CHD6: variants seen among roughly 807,000 people sequenced by gnomAD.
CHD6 encodes the protein ATP-dependent chromatin remodeler CHD6.
A neutral mutation model predicts 276.9 loss-of-function variants in CHD6; 50 were observed. The observed-to-expected ratio is 0.18, with a 90% CI of 0.14 to 0.23. CHD6 has a LOEUF of 0.23. Ranked by LOEUF, CHD6 falls within the 10% of genes least tolerant of loss-of-function variation. CHD6 has a pLI of 1.00. For synonymous variants in CHD6, 1,173 were observed against 1,229.3 expected (o/e 0.95, Z 0.96); for missense variants, 2,564 against 3,365.8 (o/e 0.76, Z 5.89).
At chr20:41,582,140 A>C (rs1459642736) in intron 1 of CHD6, among the ~76,000 whole-genome samples, 1 of 149,570 alleles carries the variant, frequency 6.7e-6, no homozygotes, top group Non-Finnish European at 1.5e-5. Context: ...TCAATTACTT[A>C]AAAAAAAAAC....
At chr20:41,607,766 GAAAA>G (rs11086808) in intron 1 of CHD6, among the ~76,000 whole-genome samples, 1 of 118,298 alleles carries the variant, frequency 8.5e-6, no homozygotes. Context: ...CATTCCACAG[GAAAA>G]AAAAAAAAAA....
intron 1 of CHD6, among the ~76,000 whole-genome samples, chr20:41,601,460 A>G (rs1437917650): frequency 6.6e-6 from 1 of 152,206 alleles, no homozygotes; most frequent in African/African-American, 2.4e-5. Context: ...TCTCTAGGAC[A>G]GTGTTATTTT....
At chr20:41,583,015 T>A (rs1173423800) in intron 1 of CHD6, among the ~76,000 whole-genome samples, 1 of 152,106 alleles carries the variant, frequency 6.6e-6, no homozygotes, top group South Asian at 2.1e-4. Flanking sequence ...TGGCATCATA[T>A]ACATGTAACT....
At chr20:41,508,395 C>T (rs1228506145) in intron 5 of CHD6, among the ~76,000 whole-genome samples, 2 of 152,136 alleles carry the variant, frequency 1.3e-5, no homozygotes, top group South Asian at 2.1e-4. Context: ...TCTTGGATTT[C>T]GTGAGCAGGA....
rs1432683920 is a variant in CHD6, at chr20:41,533,474, G to C, written c.130C>G (p.Gln44Glu). The C allele has an allele frequency of 3.7e-6, 6 of 1,613,958 alleles. No homozygotes were observed. The African/African-American group carries it at 8.0e-5, about 22-fold the overall frequency. ...SPSPFDCSTD[Q>E]EEKIEDVASH... ...GCAACATCTTCAATTTTCTCTTCTT[G>C]ATCAGTGCTGCAGTCAAATGGGGAT... is the stretch of plus-strand genomic sequence containing the variant. The change falls in exon 3 of 37, where the codon CAA becomes GAA. Residue 44 changes from glutamine to glutamate, a missense_variant. By Grantham distance (29) the Gln-to-Glu change is conservative. Transcript: ENST00000373233.
At chr20:41,499,458 G>T in intron 5 of CHD6, 101 bp from the exon 6 acceptor site, 2 of 949,674 alleles carry the variant, frequency 2.1e-6, no homozygotes, top group Non-Finnish European at 3.1e-6. Context: ...TCATTCAAAA[G>T]TTCACCTTTG....
chr20:41,612,730 A>G (rs537104198), intron 1 of CHD6, among the ~76,000 whole-genome samples: 39 of 152,356 alleles, frequency 2.6e-4, no homozygotes, highest in Admixed American at 2.3e-3. Context: ...CCCAAAGTAG[A>G]TAGAGTCCAG....
intron 26 of CHD6, among the ~76,000 whole-genome samples, 166 bp downstream of exon 26, chr20:41,439,834 T>C (rs1265409643): frequency 6.6e-6 from 1 of 152,054 alleles, no homozygotes; most frequent in Non-Finnish European, 1.5e-5. Flanking sequence ...TGAGGTAGAG[T>C]AGGGTGTAAC....
At chr20:41,447,184 A>G (rs777095432) in intron 24 of CHD6, among the ~76,000 whole-genome samples, 2 of 152,174 alleles carry the variant, frequency 1.3e-5, no homozygotes, top group Non-Finnish European at 2.9e-5. Flanking sequence ...GCATTGCTCA[A>G]TGGAAAGCAA....
intron 1 of CHD6, among the ~76,000 whole-genome samples, chr20:41,607,776 A>AC (rs546861927): frequency 1.3e-5 from 2 of 151,886 alleles, no homozygotes; most frequent in African/African-American, 4.8e-5. Context: ...GAAAAAAAAA[A>AC]AAAAAACACC....
In CHD6 at chr20:41,417,185, A is replaced by C. The variant is rs2047026087; in HGVS notation, c.6279+13T>G. 6.2e-7 allele frequency: 1 copy of C among 1,602,624 alleles called. No homozygotes were observed. The highest frequency in any genetic ancestry group is 1.3e-5 in the African/African-American group (1 of 74,502). On this transcript the variant is annotated intron_variant, in intron 32 of 36. Coordinates refer to ENST00000373233, the MANE Select transcript of CHD6 (RefSeq NM_032221.5). ...GTTTGGGGGTAGGGTGGGAAACGCA[A>C]GCTCTGGGGTACCTTTGGCCACTCA... is the stretch of plus-strand genomic sequence containing the variant.
Position 41,514,794 on chromosome 20 carries a change from C to G in CHD6, c.702+11G>C. ...CGTAATCTCCACCAGGCCTCCCGGTCACAGCTGTACCTGGCTGTCTGTAGA... is the reference window on the plus strand; with the variant it reads ...CGTAATCTCCACCAGGCCTCCCGGTGACAGCTGTACCTGGCTGTCTGTAGA... On this transcript the variant is annotated intron_variant, in intron 4 of 36. Coordinates refer to ENST00000373233, the MANE Select transcript of CHD6 (RefSeq NM_032221.5). 1 of 1,612,698 alleles carries G rather than the reference C, an allele frequency of 6.2e-7. No individual in the cohort carries two copies. The highest frequency in any genetic ancestry group is 8.5e-7 in the Non-Finnish European group (1 of 1,179,464).
At chr20:41,587,406 T>A (rs1271719793) in intron 1 of CHD6, among the ~76,000 whole-genome samples, 4 of 152,246 alleles carry the variant, frequency 2.6e-5, no homozygotes, top group Non-Finnish European at 4.4e-5. Flanking sequence ...GATAAGAGAA[T>A]AAGTCAGCTT....
At chr20:41,417,433 T>C (rs1600807552) in intron 31 of CHD6, 84 bp from the exon 32 acceptor site, 1 of 1,238,772 alleles carries the variant, frequency 8.1e-7, no homozygotes, top group East Asian at 2.4e-5. Flanking sequence ...TATCCTCTTT[T>C]CCTTTTGCTT....
chr20:41,574,850 C>A lies in CHD6; in HGVS notation c.-23-23490G>T, dbSNP rs146098018. On this transcript the variant is annotated intron_variant, in intron 1 of 36. Coordinates refer to ENST00000373233, the MANE Select transcript of CHD6 (RefSeq NM_032221.5). ...AGGCAGGGAACCTAAGGCCGATTCA[C>A]GCCTACAGCTAAAGCCAAAGGAAAA... Among the ~76,000 whole-genome samples the A allele has an allele frequency of 1.2e-4, 18 of 152,236 alleles. No individual in the cohort carries two copies. In the East Asian group the frequency reaches 3.5e-3, roughly 29 times the overall value.
chr20:41,458,949 T>C (rs2048460164), intron 17 of CHD6, among the ~76,000 whole-genome samples: 1 of 152,132 alleles, frequency 6.6e-6, no homozygotes, highest in Non-Finnish European at 1.5e-5. Context: ...CTCTGTGAGT[T>C]AGTGGCAGAG....
intron 5 of CHD6, among the ~76,000 whole-genome samples, chr20:41,509,585 C>T (rs145328701): frequency 2.3e-4 from 35 of 152,290 alleles, no homozygotes; most frequent in African/African-American, 6.7e-4. Context: ...TACGCAGACA[C>T]AGAGCACAGC....
intron 1 of CHD6, among the ~76,000 whole-genome samples, chr20:41,582,629 T>A (rs2045552919): frequency 6.6e-6 from 1 of 152,100 alleles, no homozygotes; most frequent in African/African-American, 2.4e-5. Flanking sequence ...GAAGAACCCA[T>A]ATCAAAAGAC....
At chr20:41,608,059 T>G (rs1037414488) in intron 1 of CHD6, among the ~76,000 whole-genome samples, 2 of 152,148 alleles carry the variant, frequency 1.3e-5, no homozygotes, top group Non-Finnish European at 2.9e-5. Flanking sequence ...ACCTGGCACA[T>G]AGTAAGCACT....
Sources: gnomAD v4.1 joint callset for allele counts (sites outside exome capture counted in the v4.1 genomes callset) on GRCh38, gnomAD v4.1.1 for gene constraint, MANE v1.5 for transcripts, NCBI Gene and HGNC (gene_info 2026-07-23, HGNC 2026-07-21) for gene names.